Variants in PINX1 observed in about 807,000 individuals in gnomAD.
PINX1 encodes the protein PIN2/TERF1-interacting telomerase inhibitor 1.
In PINX1, 34 loss-of-function variants were observed where a neutral mutation model predicts 25.4. The ratio of observed to expected loss-of-function variants is 1.34; its 90% confidence interval spans 1.02 to 1.78. PINX1 has a LOEUF of 1.78. Ranked by LOEUF, PINX1 falls within the 40% of genes most tolerant of loss-of-function variation. The pLI, the probability that PINX1 is intolerant of heterozygous loss-of-function variation, is 0.00. For missense variants in PINX1, 592 were observed against 404.9 expected (o/e 1.46, Z -3.97); for synonymous variants, 197 against 147.7 (o/e 1.33, Z -2.42).
intron 6 of PINX1, among the ~76,000 whole-genome samples, chr8:10,781,441 C>T (rs1185221288): frequency 6.6e-6 from 1 of 152,164 alleles, no homozygotes; most frequent in Non-Finnish European, 1.5e-5. Flanking sequence ...TACTTGTAGA[C>T]CATGTATCTG....
chr8:10,792,200 G>A (rs571483745), intron 6 of PINX1, among the ~76,000 whole-genome samples: 5 of 152,152 alleles, frequency 3.3e-5, no homozygotes, highest in Non-Finnish European at 5.9e-5. Flanking sequence ...TGCACTCTCC[G>A]CGCTGGATGG....
At chr8:10,817,517 G>A (rs1797734216) in intron 6 of PINX1, among the ~76,000 whole-genome samples, 1 of 152,310 alleles carries the variant, frequency 6.6e-6, no homozygotes, top group African/African-American at 2.4e-5. Context: ...GGATGTCAAA[G>A]ATAAATGTAG....
intron 1 of PINX1, among the ~76,000 whole-genome samples, chr8:10,837,739 T>G (rs183773541): frequency 1.3e-5 from 2 of 152,314 alleles, no homozygotes; most frequent in East Asian, 3.9e-4. Flanking sequence ...CCACATGACT[T>G]ATGCTAGGAT....
In PINX1 at chr8:10,826,065, C is replaced by T. The variant is rs1159593748; in HGVS notation, c.394+87G>A. 1.0e-5 allele frequency: 7 copies of T among 677,996 alleles called. No homozygotes were observed. In the Admixed American group the frequency reaches 1.2e-4, roughly 11 times the overall value. The allele number at this position is 677,996 out of a possible 1,614,324, so 42.0% of individuals were successfully genotyped here. A position where few individuals can be genotyped will look rare whatever the true frequency, so the allele number is the denominator to read the frequency against. Reference sequence around the variant, plus strand: ...CGGAGCTGTCCATAAAGCATGAAGTCGCTATTGGCCCAGAGCTAAAATGCT... The same window carrying T: ...CGGAGCTGTCCATAAAGCATGAAGTTGCTATTGGCCCAGAGCTAAAATGCT... On this transcript the variant is annotated intron_variant, in intron 5 of 6. Coordinates refer to ENST00000314787, the MANE Select transcript of PINX1 (RefSeq NM_017884.6).
intron 6 of PINX1, among the ~76,000 whole-genome samples, chr8:10,798,794 T>C (rs1324307919): frequency 6.6e-6 from 1 of 152,236 alleles, no homozygotes; most frequent in East Asian, 1.9e-4. Context: ...TGGGAGCTTG[T>C]TAAGAATGCT....
intron 5 of PINX1, among the ~76,000 whole-genome samples, chr8:10,824,046 T>C (rs1432685723): frequency 3.9e-5 from 6 of 152,158 alleles, no homozygotes; most frequent in African/African-American, 1.4e-4. Context: ...GTTATCAGCA[T>C]ACCCACTGGC....
At chr8:10,792,416 CAACAGTTAACCA>C (rs1473456747) in intron 6 of PINX1, among the ~76,000 whole-genome samples, 1 of 152,052 alleles carries the variant, frequency 6.6e-6, no homozygotes, top group Non-Finnish European at 1.5e-5. Flanking sequence ...GCCTCCAGCT[CAACAGTTAACCA>C]AACCGCATCA....
chr8:10,796,650 C>G (rs1171187448), intron 6 of PINX1, among the ~76,000 whole-genome samples: 3 of 151,922 alleles, frequency 2.0e-5, no homozygotes, highest in Non-Finnish European at 2.9e-5. Context: ...GATAAGAATC[C>G]ATTACTCTGC....
intron 4 of PINX1, among the ~76,000 whole-genome samples, chr8:10,827,910 C>CAAAAA (rs35913986): frequency 1.2e-5 from 1 of 82,308 alleles, no homozygotes; most frequent in Admixed American, 1.3e-4. Context: ...GACTCCATCT[C>CAAAAA]AAAAAAAAAA....
At chr8:10,805,463 C>T (rs900352814) in intron 6 of PINX1, among the ~76,000 whole-genome samples, 10 of 151,976 alleles carry the variant, frequency 6.6e-5, no homozygotes, top group Admixed American at 4.6e-4. Context: ...GAGTGGGTGG[C>T]AGAGCACAGG....
chr8:10,768,787 G>A (rs1801137738), intron 6 of PINX1, among the ~76,000 whole-genome samples: 1 of 152,208 alleles, frequency 6.6e-6, no homozygotes, highest in Admixed American at 6.5e-5. Context: ...CAGTTTCACT[G>A]CAGAGATTCT....
At chr8:10,818,251 A>C (rs768897395) in intron 6 of PINX1, among the ~76,000 whole-genome samples, 1 of 152,196 alleles carries the variant, frequency 6.6e-6, no homozygotes, top group Non-Finnish European at 1.5e-5. Flanking sequence ...CTCTACACAC[A>C]CTGGACCAAA....
intron 6 of PINX1, among the ~76,000 whole-genome samples, chr8:10,815,456 T>C (rs1031042933): frequency 6.6e-6 from 1 of 152,262 alleles, no homozygotes; most frequent in African/African-American, 2.4e-5. Context: ...ACAAAGTTCA[T>C]TCCTACTATG....
At chr8:10,784,470 GTCTAC>G (rs1801687258) in intron 6 of PINX1, among the ~76,000 whole-genome samples, 2 of 152,324 alleles carry the variant, frequency 1.3e-5, no homozygotes, top group South Asian at 4.1e-4. Context: ...GATTCCCAAA[GTCTAC>G]TCAACAATTT....
intron 5 of PINX1, among the ~76,000 whole-genome samples, chr8:10,821,305 T>C (rs1797860278): frequency 6.6e-6 from 1 of 152,186 alleles, no homozygotes; most frequent in Non-Finnish European, 1.5e-5. Context: ...ATGATATTGC[T>C]CAGTGACTCC....
At chr8:10,784,118 T>C (rs1801675563) in intron 6 of PINX1, among the ~76,000 whole-genome samples, 1 of 152,178 alleles carries the variant, frequency 6.6e-6, no homozygotes. Flanking sequence ...CTGAGGTCCA[T>C]TAAAAAACAA....
At position 10,831,835 on chromosome 8, in the gene PINX1, GTTAA is replaced by G. The variant is rs1798236005; in HGVS notation, c.223-96_223-93del. ...ATTTTGGAATCAAGGAAATCCAGTGGTTAATTAAGAAATTTTAAATGTTCCATCA... is the reference window on the plus strand; with the variant it reads ...ATTTTGGAATCAAGGAAATCCAGTGGTTAAGAAATTTTAAATGTTCCATCA... On this transcript the variant is annotated intron_variant, in intron 3 of 6. Coordinates refer to ENST00000314787, the MANE Select transcript of PINX1 (RefSeq NM_017884.6). 11 of 707,076 alleles carry G rather than the reference GTTAA, an allele frequency of 1.6e-5. No homozygotes were observed. The Admixed American group carries it at 2.1e-4, about 13-fold the overall frequency. The allele number at this position is 707,076 out of a possible 1,614,324, so 43.8% of individuals were successfully genotyped here. A position where few individuals can be genotyped will look rare whatever the true frequency, so the allele number is the denominator to read the frequency against.
intron 6 of PINX1, among the ~76,000 whole-genome samples, chr8:10,781,244 C>T (rs1468249249): frequency 2.0e-5 from 3 of 152,198 alleles, no homozygotes; most frequent in African/African-American, 7.2e-5. Context: ...AACCATTAAA[C>T]TCCCAGAAGA....
chr8:10,817,110 C>T lies in PINX1; in HGVS notation c.471+3083G>A, dbSNP rs777351104. Among the ~76,000 whole-genome samples the T allele has an allele frequency of 7.2e-5, 11 of 152,164 alleles. 1 individual carries two copies. Among genetic ancestry groups the T allele is most frequent in the Non-Finnish European group, 1.3e-4 (9 of 68,024 alleles). On this transcript the variant is annotated intron_variant, in intron 6 of 6. Transcript: ENST00000314787. ...AAGCCAAGAACATGGTTAACGCCAA[C>T]GTTCTGGAACTCTGGATGCTGAAGA... is the stretch of plus-strand genomic sequence containing the variant.
Sources: gnomAD v4.1 joint callset for allele counts (sites outside exome capture counted in the v4.1 genomes callset) on GRCh38, gnomAD v4.1.1 for gene constraint, MANE v1.5 for transcripts, NCBI Gene and HGNC (gene_info 2026-07-23, HGNC 2026-07-21) for gene names.